Variants in SOX13 observed in about 807,000 individuals in gnomAD.
SOX13 encodes the protein transcription factor SOX-13.
In SOX13, 28 loss-of-function variants were observed where a neutral mutation model predicts 71.8. The observed-to-expected ratio is 0.39, with a 90% CI of 0.29 to 0.53. SOX13 has a LOEUF of 0.53. SOX13 is among the 20% of genes least tolerant of loss of function. SOX13 has a pLI of 0.70. For missense variants in SOX13, 627 were observed against 810.3 expected, an observed-to-expected ratio of 0.77 and a Z score of 2.75; for synonymous variants, 309 against 317.8, an observed-to-expected ratio of 0.97 and a Z score of 0.29.
intron 1 of SOX13, among the ~76,000 whole-genome samples, chr1:204,101,778 C>G (rs1656366123): frequency 6.6e-6 from 1 of 152,156 alleles, no homozygotes; most frequent in Non-Finnish European, 1.5e-5. Context: ...ACTGGGCTAC[C>G]TAGAGCCCAG....
At chr1:204,086,301 TA>T (rs1656016702) in intron 1 of SOX13, among the ~76,000 whole-genome samples, 1 of 152,188 alleles carries the variant, frequency 6.6e-6, no homozygotes, top group African/African-American at 2.4e-5. Flanking sequence ...TTCAACTTTT[TA>T]AAAAATTTTT....
At chr1:204,105,959 T>TAGA (rs1224598613) in intron 1 of SOX13, among the ~76,000 whole-genome samples, 1 of 152,176 alleles carries the variant, frequency 6.6e-6, no homozygotes, top group Non-Finnish European at 1.5e-5. Context: ...GTTCTTTGGC[T>TAGA]TCTGGGCATT....
chr1:204,086,520 C>G (rs1656022623), intron 1 of SOX13, among the ~76,000 whole-genome samples: 1 of 152,022 alleles, frequency 6.6e-6, no homozygotes, highest in African/African-American at 2.4e-5. Context: ...CCAGGATGGT[C>G]TCTATCTCTT....
intron 1 of SOX13, among the ~76,000 whole-genome samples, chr1:204,074,847 G>A (rs1378924425): frequency 1.3e-5 from 2 of 152,286 alleles, no homozygotes; most frequent in Admixed American, 6.5e-5. Context: ...GCTCTTGGCA[G>A]CCGCCTCGGT....
At chr1:204,090,774 A>C (rs1438796376) in intron 1 of SOX13, among the ~76,000 whole-genome samples, 2 of 152,112 alleles carry the variant, frequency 1.3e-5, no homozygotes, top group East Asian at 3.9e-4. Context: ...AGCACGGGTG[A>C]ATTTGGTAAG....
At chr1:204,092,019 T>G (rs948590766) in intron 1 of SOX13, among the ~76,000 whole-genome samples, 1 of 152,110 alleles carries the variant, frequency 6.6e-6, no homozygotes, top group Non-Finnish European at 1.5e-5. Flanking sequence ...TCGCTTTCCT[T>G]CTTCTGTCTC....
rs1656619337 is a variant in SOX13, at chr1:204,113,047, T to C, written c.132T>C (p.Ala44=). 6 of 1,610,522 alleles carry C rather than the reference T, an allele frequency of 3.7e-6. No homozygotes were observed. Among genetic ancestry groups the C allele is most frequent in the Non-Finnish European group, 4.2e-6 (5 of 1,178,762 alleles). The change falls in exon 2 of 14, where the codon GCT becomes GCC. Residue 44 remains alanine (A), a synonymous_variant. Transcript: ENST00000367204. Reference sequence around the variant, plus strand: ...CCCCCCAGGGCTCAGCCACTGCCGCTGAACCTCAGCCTGGAGACCCAGCCC... The same window carrying C: ...CCCCCCAGGGCTCAGCCACTGCCGCCGAACCTCAGCCTGGAGACCCAGCCC... ...HEAPQGSATA[A]EPQPGDPARA... is the part of the protein sequence containing the mutation.
At chr1:204,109,546 G>A (rs996124542) in intron 1 of SOX13, among the ~76,000 whole-genome samples, 4 of 152,212 alleles carry the variant, frequency 2.6e-5, no homozygotes, top group Admixed American at 6.5e-5. Context: ...AGCCTGGTGT[G>A]TAGTAGGCTG....
chr1:204,125,990 C>T lies in SOX13; in HGVS notation c.1725C>T (p.Val575=), dbSNP rs571723454. 2 of 1,613,964 alleles carry T rather than the reference C, an allele frequency of 1.2e-6. No homozygotes were observed. The highest frequency in any genetic ancestry group is 1.3e-5 in the African/African-American group (1 of 75,054). The change falls in exon 14 of 14, where the codon GTC becomes GTT. Residue 575 remains valine (V), a synonymous_variant. Coordinates refer to ENST00000367204, the MANE Select transcript of SOX13 (RefSeq NM_005686.3). The stretch of plus-strand genomic sequence containing the variant: ...TGGACCCCAACATGCCTGTGATCGT[C>T]AACACCTGCAGCCTCAGAGAGGAGG... ...RSLDPNMPVI[V]NTCSLREEGE...
rs34093119 is a variant in SOX13 at position 204,112,527 on chromosome 1, A to ACACACACACTCACACT, written c.-1-387_-1-386insACACACACTCACACTC. ...CACACACACACACACACACACACAC[A>ACACACACACTCACACT]CTTTCTCTCTCTCGCTGTCGCTCTC... On this transcript the variant is annotated intron_variant, in intron 1 of 13. Coordinates refer to ENST00000367204, the MANE Select transcript of SOX13 (RefSeq NM_005686.3). Among the ~76,000 whole-genome samples, 277 of 147,892 alleles carry ACACACACACTCACACT rather than the reference A, an allele frequency of 1.9e-3. 2 individuals are homozygous for ACACACACACTCACACT. The highest frequency in any genetic ancestry group is 1.8e-3 in the Non-Finnish European group (123 of 67,284).
At position 204,073,601 on chromosome 1, in the gene SOX13, G is replaced by C. The variant is rs978087978; in HGVS notation, c.-112G>C. Reference sequence around the variant, plus strand: ...CAACCCGGCCCGCCCGCCGCGTCGCGGGGGCATGTGAGCGGGAAGCCTAGG... The same window carrying C: ...CAACCCGGCCCGCCCGCCGCGTCGCCGGGGCATGTGAGCGGGAAGCCTAGG... On this transcript the variant is annotated 5_prime_UTR_variant, in exon 1 of 14. Transcript: ENST00000367204. This position sits in a 1 kb window ranked among gnomAD's most constrained non-coding sequence, Gnocchi z 6.8. 1.3e-5 allele frequency: 2 copies of C among 151,720 alleles called. No homozygotes were observed. The highest frequency in any genetic ancestry group is 2.4e-5 in the African/African-American group (1 of 41,376). The allele number at this position is 151,720 out of a possible 1,614,324, so 9.4% of individuals were successfully genotyped here.
At chr1:204,076,943 C>G (rs974463550) in intron 1 of SOX13, among the ~76,000 whole-genome samples, 4 of 152,200 alleles carry the variant, frequency 2.6e-5, no homozygotes, top group African/African-American at 9.6e-5. Flanking sequence ...GGGAGACAGA[C>G]AGTAAATACT....
At chr1:204,076,917 G>T (rs190626940) in intron 1 of SOX13, among the ~76,000 whole-genome samples, 2 of 152,228 alleles carry the variant, frequency 1.3e-5, no homozygotes, top group Non-Finnish European at 2.9e-5. Context: ...CTTCAAAGAG[G>T]CTTCTTTCTA....
In SOX13 at chr1:204,091,728, G is replaced by T. The variant is rs1483952956; in HGVS notation, c.-2+18017G>T. 3.2e-5 allele frequency among the ~76,000 whole-genome samples: 3 copies of T among 93,700 alleles called. No homozygotes were observed. The East Asian group carries it at 9.0e-4, about 28-fold the overall frequency. 61.5% of individuals were successfully genotyped at this position (93,700 alleles called of 152,430 possible). ...AACTTTTTTCGTTTTCTTTGTGTGC[G>T]TGTGCGTGTGTGTGTGTGTGTGTGT... On this transcript the variant is annotated intron_variant, in intron 1 of 13. Transcript: ENST00000367204.
chr1:204,095,303 T>A (rs1656230728), intron 1 of SOX13, among the ~76,000 whole-genome samples: 1 of 152,176 alleles, frequency 6.6e-6, no homozygotes, highest in African/African-American at 2.4e-5. Flanking sequence ...CCCATCTTCT[T>A]GTCGTCTGGG....
At chr1:204,088,382 A>G (rs1477797574) in intron 1 of SOX13, among the ~76,000 whole-genome samples, 4 of 152,178 alleles carry the variant, frequency 2.6e-5, no homozygotes, top group Non-Finnish European at 5.9e-5. Context: ...AACTGCCCAA[A>G]TAAGAAAGAG....
intron 1 of SOX13, among the ~76,000 whole-genome samples, chr1:204,107,560 G>A (rs975414319): frequency 7.2e-5 from 11 of 152,062 alleles, no homozygotes; most frequent in Non-Finnish European, 1.6e-4. Flanking sequence ...AGACACCTGC[G>A]TCTCTCTGGG....
rs776364078 is a variant in SOX13 at position 204,114,502 on chromosome 1, C to G, written c.332-17C>G. The G allele has an allele frequency of 6.2e-7, 1 of 1,611,566 alleles. No homozygotes were observed. The highest frequency in any genetic ancestry group is 1.1e-5 in the South Asian group (1 of 91,012). ...GGTGTTAAGACGGTTATTCCTCACC[C>G]CTTTGCTGTCTTCCAGTGGTGCCAG... On this transcript the variant is annotated splice_polypyrimidine_tract_variant and intron_variant, in intron 3 of 13. Transcript: ENST00000367204.
chr1:204,110,074 C>T (rs1571585039), intron 1 of SOX13, among the ~76,000 whole-genome samples: 1 of 151,908 alleles, frequency 6.6e-6, no homozygotes, highest in South Asian at 2.1e-4. Context: ...TCAGGTGCTC[C>T]ACCCGCCTCG....
Sources: gnomAD v4.1 joint callset for allele counts (sites outside exome capture counted in the v4.1 genomes callset) on GRCh38, gnomAD v4.1.1 for gene constraint, Gnocchi (gnomAD v3.1) non-coding constraint, MANE v1.5 for transcripts, NCBI Gene and HGNC (gene_info 2026-07-23, HGNC 2026-07-21) for gene names.